Variants in DLGAP2 observed in about 807,000 individuals in gnomAD.
DLGAP2 encodes DLG associated protein 2, also known as disks large-associated protein 2.
In DLGAP2, 26 loss-of-function variants were observed where a neutral mutation model predicts 100.3. That is an observed-to-expected ratio of 0.26 (90% confidence interval 0.19 to 0.36). DLGAP2 has a LOEUF of 0.36. Ranked by LOEUF, DLGAP2 falls within the 10% of genes least tolerant of loss-of-function variation. The probability of loss-of-function intolerance (pLI) is 1.00; values close to 1 mark genes in which losing one functional copy is unlikely to be tolerated. For missense variants in DLGAP2, 1,858 were observed against 1,453.2 expected (o/e 1.28, Z -4.53); for synonymous variants, 886 against 630.1 (o/e 1.41, Z -6.08).
chr8:1,501,535 T>C lies in DLGAP2; in HGVS notation c.172+104T>C, dbSNP rs1012618841. 6.6e-5 allele frequency: 76 copies of C among 1,158,042 alleles called. No homozygotes were observed. The Middle Eastern group carries it at 1.4e-3, about 21-fold the overall frequency. The allele number at this position is 1,158,042 out of a possible 1,614,324, so 71.7% of individuals were successfully genotyped here. On this transcript the variant is annotated intron_variant, in intron 4 of 14. Coordinates refer to ENST00000637795, the MANE Select transcript of DLGAP2 (RefSeq NM_001346810.2). ...ACCGTCCCACAAACACACGTTAGCATGTTTAGAAAGGGAGCTAAGAAGAAC... is the reference window on the plus strand; with the variant it reads ...ACCGTCCCACAAACACACGTTAGCACGTTTAGAAAGGGAGCTAAGAAGAAC...
At chr8:1,007,247 A>C (rs1294219122) in intron 2 of DLGAP2, among the ~76,000 whole-genome samples, 2 of 152,042 alleles carry the variant, frequency 1.3e-5, no homozygotes, top group Non-Finnish European at 2.9e-5. Flanking sequence ...CACACTCTTC[A>C]CGTGTCTGCA....
chr8:790,886 C>A (rs1404915389), intron 1 of DLGAP2, among the ~76,000 whole-genome samples: 1 of 152,086 alleles, frequency 6.6e-6, no homozygotes, highest in African/African-American at 2.4e-5. Flanking sequence ...GCTGGGACTA[C>A]AGGTGCACGC....
intron 1 of DLGAP2, among the ~76,000 whole-genome samples, chr8:814,714 G>C (rs1041756817): frequency 5.3e-5 from 8 of 151,576 alleles, no homozygotes; most frequent in Admixed American, 5.3e-4. Flanking sequence ...TTAGCTGGGC[G>C]TGGTGGCAGG....
At chr8:1,330,342 GGGGACTGAGTTCTGGGT>G (rs1270316196) in intron 3 of DLGAP2, among the ~76,000 whole-genome samples, 3 of 149,154 alleles carry the variant, frequency 2.0e-5, no homozygotes, top group East Asian at 2.0e-4. Flanking sequence ...ACCGCTTCGC[GGGGACTGAGTTCTGGGT>G]GGGACTGAGT....
intron 2 of DLGAP2, among the ~76,000 whole-genome samples, chr8:1,201,317 A>G (rs1474574327): frequency 6.6e-6 from 1 of 152,086 alleles, no homozygotes; most frequent in Non-Finnish European, 1.5e-5. Context: ...GCCCTCAGCG[A>G]CCCTGGAACC....
intron 2 of DLGAP2, among the ~76,000 whole-genome samples, chr8:1,206,532 T>G (rs13262158): frequency 4.5e-3 from 370 of 81,378 alleles, no homozygotes; most frequent in African/African-American, 0.013. Context: ...ATCCGTGGAC[T>G]GGGGTAGACT....
At chr8:1,363,372 C>A (rs1802030398) in intron 3 of DLGAP2, among the ~76,000 whole-genome samples, 1 of 152,174 alleles carries the variant, frequency 6.6e-6, no homozygotes, top group African/African-American at 2.4e-5. Context: ...GGTCCCACGT[C>A]CGTGGCACAC....
chr8:1,281,635 C>T (rs1043529182), intron 3 of DLGAP2, among the ~76,000 whole-genome samples: 4 of 152,138 alleles, frequency 2.6e-5, no homozygotes, highest in Non-Finnish European at 5.9e-5. Flanking sequence ...TAATAAAATC[C>T]ATACACAATC....
At chr8:1,695,186 C>G (rs892444108) in intron 13 of DLGAP2, among the ~76,000 whole-genome samples, 1 of 151,042 alleles carries the variant, frequency 6.6e-6, no homozygotes, top group Non-Finnish European at 1.5e-5. Flanking sequence ...TTCCCCCACA[C>G]CATCAGGCAC....
At chr8:1,499,569 G>C (rs1326335920) in intron 3 of DLGAP2, among the ~76,000 whole-genome samples, 2 of 152,178 alleles carry the variant, frequency 1.3e-5, no homozygotes, top group Non-Finnish European at 2.9e-5. Context: ...GTGGACATTT[G>C]GCAGATGTAT....
intron 2 of DLGAP2, among the ~76,000 whole-genome samples, chr8:1,155,619 G>A (rs1271921023): frequency 6.6e-6 from 1 of 152,164 alleles, no homozygotes; most frequent in Non-Finnish European, 1.5e-5. Flanking sequence ...TCTGGCCGGG[G>A]TTTTGCTTCG....
At chr8:1,342,954 A>G (rs879495085) in intron 3 of DLGAP2, among the ~76,000 whole-genome samples, 1 of 151,180 alleles carries the variant, frequency 6.6e-6, no homozygotes, top group Non-Finnish European at 1.5e-5. Context: ...CCGTAATTGT[A>G]GCCTCTGGCA....
chr8:1,694,690 C>A (rs1016148213), intron 13 of DLGAP2, among the ~76,000 whole-genome samples: 2 of 152,152 alleles, frequency 1.3e-5, no homozygotes, highest in African/African-American at 4.8e-5. Flanking sequence ...GGTGCCGGCG[C>A]ACAGAGAGCT....
intron 4 of DLGAP2, among the ~76,000 whole-genome samples, chr8:1,509,272 A>C (rs1289249931): frequency 2.0e-5 from 3 of 150,944 alleles, no homozygotes; most frequent in African/African-American, 4.9e-5. Flanking sequence ...CAGAGATTGC[A>C]GTGAGCTGAT....
At chr8:1,026,119 C>T (rs1354314065) in intron 2 of DLGAP2, among the ~76,000 whole-genome samples, 2 of 152,178 alleles carry the variant, frequency 1.3e-5, no homozygotes, top group Non-Finnish European at 2.9e-5. Flanking sequence ...GCCAGTCTGG[C>T]GTCCTCGAAC....
At chr8:1,666,595 G>A (rs758699641) in intron 8 of DLGAP2, among the ~76,000 whole-genome samples, 2 of 151,616 alleles carry the variant, frequency 1.3e-5, no homozygotes, top group South Asian at 2.1e-4. Flanking sequence ...CAGGAGAATC[G>A]CTTGAACACA....
At chr8:928,736 C>T (rs763735874) in intron 2 of DLGAP2, among the ~76,000 whole-genome samples, 11 of 152,024 alleles carry the variant, frequency 7.2e-5, no homozygotes, top group Non-Finnish European at 1.2e-4. Flanking sequence ...AGGTGGGAAT[C>T]GCTGCCCTCG....
chr8:810,903 A>G (rs1056297180), intron 1 of DLGAP2, among the ~76,000 whole-genome samples: 7 of 152,202 alleles, frequency 4.6e-5, no homozygotes, highest in African/African-American at 1.7e-4. Context: ...TCCTTTGTCA[A>G]TGTTGACATC....
intron 3 of DLGAP2, among the ~76,000 whole-genome samples, chr8:1,330,038 G>A (rs917459634): frequency 1.3e-5 from 2 of 152,236 alleles, no homozygotes; most frequent in African/African-American, 4.8e-5. Flanking sequence ...CCATTAAAGT[G>A]GCTTTGCTCC....
Sources: gnomAD v4.1 joint callset for allele counts (sites outside exome capture counted in the v4.1 genomes callset) on GRCh38, gnomAD v4.1.1 for gene constraint, MANE v1.5 for transcripts, NCBI Gene and HGNC (gene_info 2026-07-23, HGNC 2026-07-21) for gene names.